Variants in GPATCH8 observed in about 807,000 individuals in gnomAD.
GPATCH8 encodes the protein G patch domain-containing protein 8.
A neutral mutation model predicts 118.3 loss-of-function variants in GPATCH8; 18 were observed. That is an observed-to-expected ratio of 0.15 (90% CI 0.11 to 0.23). GPATCH8 has a LOEUF of 0.23. Among genes scored for constraint, GPATCH8 ranks in the 10% least tolerant of loss-of-function variants. The pLI is 1.00. For synonymous variants in GPATCH8, 659 were observed against 684.7 expected, an observed-to-expected ratio of 0.96 and a Z score of 0.59; for missense variants, 1,631 against 1,873.8, an observed-to-expected ratio of 0.87 and a Z score of 2.39.
At chr17:44,477,951 A>G (rs1967909316) in intron 1 of GPATCH8, among the ~76,000 whole-genome samples, 1 of 150,218 alleles carries the variant, frequency 6.7e-6, no homozygotes, top group African/African-American at 2.5e-5. Context: ...CTGGGATTAC[A>G]GGCACACGCC....
intron 1 of GPATCH8, among the ~76,000 whole-genome samples, chr17:44,483,209 A>ATATG (rs1968473083): frequency 2.2e-5 from 2 of 90,738 alleles, no homozygotes; most frequent in African/African-American, 7.8e-5. Flanking sequence ...ATATATATAT[A>ATATG]TATATATACA....
At chr17:44,412,793 T>C (rs1379671925) in intron 6 of GPATCH8, among the ~76,000 whole-genome samples, 1 of 152,228 alleles carries the variant, frequency 6.6e-6, no homozygotes, top group Non-Finnish European at 1.5e-5. Context: ...TTTCCTCTTA[T>C]GTCAATGATC....
intron 3 of GPATCH8, among the ~76,000 whole-genome samples, chr17:44,462,778 C>T (rs1283763999): frequency 6.6e-6 from 1 of 151,908 alleles, no homozygotes; most frequent in Non-Finnish European, 1.5e-5. Flanking sequence ...ATCAGGAGAT[C>T]GAGACCATCC....
chr17:44,427,447 G>C (rs747461233), intron 5 of GPATCH8, among the ~76,000 whole-genome samples: 6 of 152,020 alleles, frequency 3.9e-5, no homozygotes, highest in Non-Finnish European at 8.8e-5. Flanking sequence ...CTGGCAGACT[G>C]CTTTAAAACC....
At chr17:44,411,009 C>CT (rs1399888317) in intron 6 of GPATCH8, among the ~76,000 whole-genome samples, 2 of 152,212 alleles carry the variant, frequency 1.3e-5, no homozygotes, top group East Asian at 3.8e-4. Flanking sequence ...GCTCTACTAT[C>CT]ACTGAAAAGA....
At position 44,503,360 on chromosome 17, in the gene GPATCH8, C is replaced by T; in HGVS notation, c.11G>A (p.Arg4His). 3.7e-6 allele frequency: 6 copies of T among 1,610,134 alleles called. No individual in the cohort carries two copies. Among genetic ancestry groups the T allele is most frequent in the Non-Finnish European group, 5.1e-6 (6 of 1,178,442 alleles). The change falls in exon 1 of 8, where the codon CGC becomes CAC. Residue 4 changes from arginine to histidine, a missense_variant. This residue lies in a region of GPATCH8 where 28 missense variants were observed against 33.9 expected (regional missense o/e 0.83). Transcript: ENST00000591680. MAD[R>H]FSRFNEDRDF... ...TCGGTCTTCGTTGAAGCGGGAGAAG[C>T]GGTCCGCCATTTTGCCGCCTTCACT...
In GPATCH8 at chr17:44,447,651, C is replaced by T. The variant is rs558236560; in HGVS notation, c.194-11106G>A. On this transcript the variant is annotated intron_variant, in intron 3 of 7. Coordinates refer to ENST00000591680, the MANE Select transcript of GPATCH8 (RefSeq NM_001002909.4). Reference sequence around the variant, plus strand: ...TTTTTTTTTTTAAGACAGGTTCTAGCTCTATGGCTCAGGCTGGAGATTAGA... The same window carrying T: ...TTTTTTTTTTTAAGACAGGTTCTAGTTCTATGGCTCAGGCTGGAGATTAGA... Among the ~76,000 whole-genome samples the T allele has an allele frequency of 1.2e-4, 18 of 147,776 alleles. No homozygotes were observed. In the East Asian group the frequency reaches 3.6e-3, roughly 29 times the overall value.
At chr17:44,458,801 G>A (rs2051439612) in intron 3 of GPATCH8, among the ~76,000 whole-genome samples, 1 of 152,162 alleles carries the variant, frequency 6.6e-6, no homozygotes, top group Admixed American at 6.6e-5. Context: ...TGGGATTACA[G>A]GTGCTTAAGT....
intron 6 of GPATCH8, among the ~76,000 whole-genome samples, chr17:44,413,002 G>A (rs763024007): frequency 6.6e-6 from 1 of 152,168 alleles, no homozygotes; most frequent in Non-Finnish European, 1.5e-5. Context: ...ATCACCAGGT[G>A]GTGGGTGAGA....
At chr17:44,477,936 A>T (rs2144396622) in intron 1 of GPATCH8, among the ~76,000 whole-genome samples, 1 of 151,314 alleles carries the variant, frequency 6.6e-6, no homozygotes, top group East Asian at 1.9e-4. Flanking sequence ...CAGCCTCCGG[A>T]GTAGCTGGGA....
At chr17:44,473,135 ATT>A (rs557044683) in intron 2 of GPATCH8, among the ~76,000 whole-genome samples, 14 of 134,668 alleles carry the variant, frequency 1.0e-4, no homozygotes, top group South Asian at 2.4e-4. Context: ...CAAACCAGTG[ATT>A]TTTTTTTTTT....
chr17:44,428,216 G>T (rs1285540117), intron 5 of GPATCH8, among the ~76,000 whole-genome samples: 2 of 152,154 alleles, frequency 1.3e-5, no homozygotes, highest in Non-Finnish European at 2.9e-5. Context: ...TCGTAGGCTG[G>T]GTGCGGTGGC....
chr17:44,441,035 G>C (rs2144083322), intron 3 of GPATCH8, among the ~76,000 whole-genome samples: 1 of 152,248 alleles, frequency 6.6e-6, no homozygotes, highest in East Asian at 1.9e-4. Flanking sequence ...ATTTTTAGTA[G>C]AGACAGGGTT....
At chr17:44,434,726 T>C (rs2050438613) in intron 5 of GPATCH8, among the ~76,000 whole-genome samples, 1 of 152,224 alleles carries the variant, frequency 6.6e-6, no homozygotes, top group South Asian at 2.1e-4. Context: ...CTGCAAGTGT[T>C]GGGGTTACAA....
At chr17:44,464,922 ACCACTTTAAGATTT>A in intron 2 of GPATCH8, 1 of 187,504 alleles carries the variant, frequency 5.3e-6, no homozygotes, top group South Asian at 9.7e-5. Flanking sequence ...CCTAAACAGC[ACCACTTTAAGATTT>A]TTTTTTTTTT....
intron 3 of GPATCH8, among the ~76,000 whole-genome samples, chr17:44,462,487 G>A (rs2144284241): frequency 6.6e-6 from 1 of 152,256 alleles, no homozygotes; most frequent in East Asian, 1.9e-4. Context: ...CTTAATCAGA[G>A]TATTCTTTGT....
chr17:44,449,943 C>T (rs1416770870), intron 3 of GPATCH8, among the ~76,000 whole-genome samples: 3 of 152,198 alleles, frequency 2.0e-5, no homozygotes, highest in African/African-American at 7.2e-5. Context: ...AGCAGTTTCA[C>T]CTCAGATAAA....
rs755078477 is a variant in GPATCH8, at chr17:44,399,154, G to A, written c.2923C>T (p.Arg975Cys). The A allele has an allele frequency of 5.3e-5, 85 of 1,608,150 alleles. No individual in the cohort carries two copies. Among genetic ancestry groups the A allele is most frequent in the Non-Finnish European group, 5.9e-5 (69 of 1,175,090 alleles). Reference sequence around the variant, plus strand: ...TGCCAGCTGTGGGCTGTGGTGCTACGGCTTCTCCGCTTGCTTCGACTACGA... The same window carrying A: ...TGCCAGCTGTGGGCTGTGGTGCTACAGCTTCTCCGCTTGCTTCGACTACGA... ...CSRSRSKRRS[R>C]STTAHSWQRS... Residue 975 changes from arginine (R) to cysteine (C), a missense_variant, in exon 8 of 8, where the codon CGT (arginine) becomes TGT (cysteine). Physicochemically the swap from Arg to Cys is radical, Grantham distance 180. Transcript: ENST00000591680.
chr17:44,487,674 T>A (rs559517361), intron 1 of GPATCH8, among the ~76,000 whole-genome samples: 1 of 152,318 alleles, frequency 6.6e-6, no homozygotes, highest in East Asian at 1.9e-4. Context: ...ATTTCTTTCA[T>A]GGGTGTGCCT....
Sources: allele counts gnomAD v4.1 joint callset (sites outside exome capture counted in the v4.1 genomes callset), GRCh38; gene constraint gnomAD v4.1.1; regional missense constraint gnomAD v4.1.1; transcripts MANE v1.5; gene names NCBI Gene and HGNC (gene_info 2026-07-23, HGNC 2026-07-21).